The following NINL variants were observed in gnomAD, a reference collection of about 807,000 sequenced individuals.
NINL encodes the protein ninein like.
In NINL, 153 loss-of-function variants were observed where a neutral mutation model predicts 160.3. The observed-to-expected ratio is 0.95, with a 90% CI of 0.84 to 1.09. The LOEUF is 1.09. NINL is among the 50% of genes least tolerant of loss of function. NINL has a pLI of 0.00. For synonymous variants in NINL, 800 were observed against 734.8 expected, an observed-to-expected ratio of 1.09 and a Z score of -1.43; for missense variants, 1,829 against 1,764.0, an observed-to-expected ratio of 1.04 and a Z score of -0.66.
At chr20:25,544,274 A>G (rs1210385494) in intron 1 of NINL, among the ~76,000 whole-genome samples, 1 of 152,096 alleles carries the variant, frequency 6.6e-6, no homozygotes. Flanking sequence ...TCCACATAAT[A>G]GGATAAAAGA....
chr20:25,532,034 G>A (rs939406212), intron 1 of NINL, among the ~76,000 whole-genome samples: 1 of 152,220 alleles, frequency 6.6e-6, no homozygotes, highest in Non-Finnish European at 1.5e-5. Context: ...AGCCCTGGCT[G>A]CCCTTAGAAG....
chr20:25,487,037 T>C (rs1209256530), intron 13 of NINL, among the ~76,000 whole-genome samples: 1 of 152,210 alleles, frequency 6.6e-6, no homozygotes, highest in African/African-American at 2.4e-5. Context: ...CACAGGGTGA[T>C]GTGGCCTTAA....
chr20:25,526,379 C>T (rs2064359208), intron 2 of NINL, 29 bp downstream of exon 2: 2 of 1,585,020 alleles, frequency 1.3e-6, no homozygotes, highest in Non-Finnish European at 1.7e-6. Flanking sequence ...CCCGTGCTTT[C>T]CTTTATGACA....
chr20:25,526,337 T>G, intron 2 of NINL, 71 bp downstream of exon 2: 10 of 1,343,954 alleles, frequency 7.4e-6, no homozygotes, highest in Non-Finnish European at 1.0e-5. Flanking sequence ...CAGCTGATAT[T>G]TATCAAATGC....
intron 14 of NINL, 127 bp from the exon 15 acceptor site, chr20:25,480,394 C>T (rs1231233223): frequency 1.2e-5 from 8 of 687,814 alleles, no homozygotes; most frequent in South Asian, 5.0e-5. Context: ...GTGAGGATGA[C>T]GCTGCGTCCT....
intron 1 of NINL, among the ~76,000 whole-genome samples, chr20:25,567,286 G>A (rs1462785476): frequency 6.6e-6 from 1 of 152,172 alleles, no homozygotes; most frequent in Non-Finnish European, 1.5e-5. Context: ...CAACAGCTAT[G>A]AGACAATTAT....
At chr20:25,573,871 C>G (rs768451697) in intron 1 of NINL, among the ~76,000 whole-genome samples, 1 of 152,142 alleles carries the variant, frequency 6.6e-6, no homozygotes, top group Non-Finnish European at 1.5e-5. Context: ...GACTAGGGAC[C>G]CTGGAGCAGA....
At chr20:25,525,956 A>G (rs971845778) in intron 2 of NINL, among the ~76,000 whole-genome samples, 8 of 152,184 alleles carry the variant, frequency 5.3e-5, no homozygotes, top group African/African-American at 1.9e-4. Context: ...TGTTCTTTCA[A>G]CAGTAGCTTG....
rs751508331 is a variant in NINL at position 25,517,824 on chromosome 20, C to T, written c.206G>A (p.Gly69Asp). The stretch of plus-strand genomic sequence containing the variant: ...ATTTGAAGACAACACAGCCACAAAA[C>T]CTTCCTTAAATTCCTCAAAGTTAAC... ...ARVNFEEFKE[G>D]FVAVLSSNAG... Residue 69 changes from glycine (G) to aspartate (D), a missense_variant, in exon 3 of 24, where the codon GGT becomes GAT. By Grantham distance (94) the Gly-to-Asp change is moderately conservative. Transcript: ENST00000278886. The T allele has an allele frequency of 9.3e-6, 15 of 1,608,282 alleles. No individual in the cohort carries two copies. In the East Asian group the frequency reaches 3.1e-4, roughly 34 times the overall value.
rs78174957 is a variant in NINL, at chr20:25,476,999, C to T, written c.2292G>A (p.Pro764=). 4,543 of 1,602,332 alleles carry T rather than the reference C, an allele frequency of 2.8e-3. 103 individuals carry two copies. The African/African-American group carries it at 0.054, about 19-fold the overall frequency. ...TCCCGCGTGGCAGGGGTCCCTGCGG[C>T]GGCTCCTCCAGCTCCAAGGTCAGGT... ...RRDLTLELEE[P]PQGPLPRGSQ... Residue 764 remains proline (P), a synonymous_variant, in exon 17 of 24, where the codon CCG becomes CCA. Transcript: ENST00000278886.
At chr20:25,580,828 T>C (rs2065166316) in intron 1 of NINL, among the ~76,000 whole-genome samples, 1 of 152,230 alleles carries the variant, frequency 6.6e-6, no homozygotes, top group Non-Finnish European at 1.5e-5. Context: ...CCTCAGCTTG[T>C]GAGTAACCAA....
intron 8 of NINL, among the ~76,000 whole-genome samples, chr20:25,499,998 C>G (rs1477391117): frequency 1.3e-5 from 2 of 148,502 alleles, no homozygotes; most frequent in East Asian, 2.0e-4. Flanking sequence ...ATATACATCT[C>G]TCATGTGCCA....
intron 16 of NINL, among the ~76,000 whole-genome samples, chr20:25,478,034 C>T (rs1450541859): frequency 3.3e-5 from 5 of 151,564 alleles, no homozygotes; most frequent in East Asian, 1.9e-4. Context: ...CTGCAACCTC[C>T]GCCTCCTGAA....
Position 25,477,001 on chromosome 20 carries a change from G to T in NINL, c.2290C>A (p.Pro764Thr), listed in dbSNP as rs766248313. 1.2e-6 allele frequency: 2 copies of T among 1,601,430 alleles called. No homozygotes were observed. The highest frequency in any genetic ancestry group is 2.2e-5 in the South Asian group (2 of 90,996). Reference protein sequence around the residue: ...RRDLTLELEEPPQGPLPRGSQ... With the variant: ...RRDLTLELEETPQGPLPRGSQ... The stretch of plus-strand genomic sequence containing the variant: ...CCGCGTGGCAGGGGTCCCTGCGGCG[G>T]CTCCTCCAGCTCCAAGGTCAGGTCT... The change falls in exon 17 of 24, where the codon CCG (proline) becomes ACG (threonine). Residue 764 changes from proline (P) to threonine (T), a missense_variant. By Grantham distance (38) the Pro-to-Thr change is conservative (BLOSUM62 -1). Transcript: ENST00000278886.
intron 13 of NINL, 140 bp from the exon 14 acceptor site, chr20:25,482,240 A>G: frequency 1.1e-6 from 1 of 911,316 alleles, no homozygotes. Context: ...AGCTTCCAGC[A>G]GGAAACCATC....
intron 22 of NINL, among the ~76,000 whole-genome samples, chr20:25,456,680 C>T (rs1714165537): frequency 6.6e-6 from 1 of 151,770 alleles, no homozygotes; most frequent in South Asian, 2.1e-4. Flanking sequence ...CCTGTAATCC[C>T]AGCACTTTGG....
rs944185196 is a variant in NINL, at chr20:25,489,237, C to G, written c.1677+7G>C. On this transcript the variant is annotated splice_region_variant and intron_variant, in intron 13 of 23. Coordinates refer to ENST00000278886, the MANE Select transcript of NINL (RefSeq NM_025176.6). ...GAGACTAAAAGGCAGACAGAGCAGG[C>G]ACGTACCCGGCACTTGAGCTCGTAT... The G allele has an allele frequency of 6.8e-6, 11 of 1,613,888 alleles. No homozygotes were observed. In the East Asian group the frequency reaches 2.5e-4, roughly 36 times the overall value.
In NINL at chr20:25,511,367, C is replaced by T. The variant is rs554474899; in HGVS notation, c.451-627G>A. On this transcript the variant is annotated intron_variant, in intron 4 of 23. Coordinates refer to ENST00000278886, the MANE Select transcript of NINL (RefSeq NM_025176.6). ...CAAGAGCCCGGGCCATCAAGAAACACGCGACTTAAGTAAAAACCTCGTGCT... is the reference window on the plus strand; with the variant it reads ...CAAGAGCCCGGGCCATCAAGAAACATGCGACTTAAGTAAAAACCTCGTGCT... 8.5e-5 allele frequency among the ~76,000 whole-genome samples: 13 copies of T among 152,178 alleles called. No homozygotes were observed. The East Asian group carries it at 2.1e-3, about 25-fold the overall frequency.
intron 10 of NINL, 87 bp downstream of exon 10, chr20:25,496,576 G>T: frequency 6.6e-7 from 1 of 1,516,542 alleles, no homozygotes; most frequent in Admixed American, 1.9e-5. Flanking sequence ...CGCAGCTCTG[G>T]CCCCTGGCAG....
Sources: gnomAD v4.1 joint callset for allele counts (sites outside exome capture counted in the v4.1 genomes callset) on GRCh38, gnomAD v4.1.1 for gene constraint, MANE v1.5 for transcripts, NCBI Gene and HGNC (gene_info 2026-07-23, HGNC 2026-07-21) for gene names.